The following SLC4A4 variants were observed in gnomAD, a reference collection of about 807,000 sequenced individuals.
The protein encoded by SLC4A4 is electrogenic sodium bicarbonate cotransporter 1.
In SLC4A4, 27 loss-of-function variants were observed where a neutral mutation model predicts 111.5. The observed-to-expected ratio is 0.24, with a 90% confidence interval of 0.18 to 0.33. The LOEUF is 0.33. SLC4A4 is among the 10% of genes least tolerant of loss of function. The pLI is 1.00. For synonymous variants in SLC4A4, 443 were observed against 463.4 expected (o/e 0.96, Z 0.57); for missense variants, 909 against 1,315.5 (o/e 0.69, Z 4.78).
chr4:71,515,313 T>C (rs1372422363), intron 16 of SLC4A4, among the ~76,000 whole-genome samples: 1 of 152,204 alleles, frequency 6.6e-6, no homozygotes, highest in African/African-American at 2.4e-5. Flanking sequence ...ATTTCTAGTT[T>C]TATTCCATTG....
intron 1 of SLC4A4, among the ~76,000 whole-genome samples, chr4:71,069,516 GA>G (rs1741612969): frequency 6.6e-6 from 1 of 152,190 alleles, no homozygotes; most frequent in Admixed American, 6.5e-5. Flanking sequence ...TGCTACATGA[GA>G]AAATTACTTT....
intron 14 of SLC4A4, among the ~76,000 whole-genome samples, chr4:71,485,494 C>T (rs781169006): frequency 1.3e-5 from 2 of 151,534 alleles, no homozygotes; most frequent in African/African-American, 4.8e-5. Context: ...CCTACTTGAT[C>T]GTGGTGGATT....
intron 24 of SLC4A4, 41 bp from the exon 25 acceptor site, chr4:71,566,963 A>C (rs1737528707): frequency 2.0e-6 from 3 of 1,532,830 alleles, no homozygotes; most frequent in East Asian, 4.5e-5. Flanking sequence ...TACTTCACCA[A>C]AGATCTACCA....
intron 7 of SLC4A4, among the ~76,000 whole-genome samples, chr4:71,420,416 G>T (rs1224622828): frequency 6.6e-6 from 1 of 152,108 alleles, no homozygotes; most frequent in African/African-American, 2.4e-5. Flanking sequence ...CACTCTGCAG[G>T]ATATTATCCA....
At chr4:71,076,626 C>A (rs532894978) in intron 1 of SLC4A4, among the ~76,000 whole-genome samples, 1 of 152,078 alleles carries the variant, frequency 6.6e-6, no homozygotes, top group South Asian at 2.1e-4. Context: ...TCTTCTGTGG[C>A]AGTTGGGAAT....
At chr4:71,470,032 G>A (rs1727720997) in intron 13 of SLC4A4, among the ~76,000 whole-genome samples, 1 of 151,814 alleles carries the variant, frequency 6.6e-6, no homozygotes, top group African/African-American at 2.4e-5. Flanking sequence ...TCATCTTCTT[G>A]CTAGGGTAGC....
At chr4:71,122,121 G>T (rs1400350382) in intron 2 of SLC4A4, among the ~76,000 whole-genome samples, 1 of 152,000 alleles carries the variant, frequency 6.6e-6, no homozygotes, top group African/African-American at 2.4e-5. Context: ...TTTAAGAACT[G>T]TAACACTCAC....
intron 7 of SLC4A4, among the ~76,000 whole-genome samples, chr4:71,424,227 G>A (rs1466242399): frequency 5.9e-5 from 9 of 152,158 alleles, no homozygotes; most frequent in South Asian, 2.1e-4. Context: ...GCAGCCAAAA[G>A]ACACATGAAA....
At chr4:71,213,648 A>G (rs558724968) in intron 1 of SLC4A4, among the ~76,000 whole-genome samples, 1 of 152,210 alleles carries the variant, frequency 6.6e-6, no homozygotes, top group African/African-American at 2.4e-5. Flanking sequence ...CCTGACCCCC[A>G]CCCAGAGTCA....
chr4:71,140,668 A>G (rs1305896993), intron 2 of SLC4A4, among the ~76,000 whole-genome samples: 1 of 152,102 alleles, frequency 6.6e-6, no homozygotes, highest in African/African-American at 2.4e-5. Flanking sequence ...AGTTGCTCAG[A>G]TCTCAAACCT....
At chr4:71,443,110 CTCTCTCTA>C (rs1212132860) in intron 8 of SLC4A4, among the ~76,000 whole-genome samples, 13 of 101,016 alleles carry the variant, frequency 1.3e-4, no homozygotes, top group African/African-American at 4.6e-4. Flanking sequence ...CTCTCTCTCT[CTCTCTCTA>C]TATATATATA....
At position 71,513,179 on chromosome 4, in the gene SLC4A4, G is replaced by A. The variant is rs56203272; in HGVS notation, c.2166+15487G>A. 9.0e-3 allele frequency among the ~76,000 whole-genome samples: 1,375 copies of A among 151,978 alleles called. 21 individuals are homozygous for A. Among genetic ancestry groups the A allele is most frequent in the African/African-American group, 0.03 (1,259 of 41,470 alleles). ...TTTTTTTTTCTAATTCTGTGAAGGT[G>A]GCAGTATTTTGAAACAGATCGCATT... On this transcript the variant is annotated intron_variant, in intron 16 of 25. Transcript: ENST00000264485.
intron 2 of SLC4A4, among the ~76,000 whole-genome samples, chr4:71,093,788 C>T (rs962585412): frequency 3.3e-5 from 5 of 152,138 alleles, no homozygotes; most frequent in African/African-American, 1.2e-4. Flanking sequence ...GTTGGTCTTA[C>T]AATGGTGGGT....
chr4:71,151,705 C>A (rs573976779), intron 2 of SLC4A4, among the ~76,000 whole-genome samples: 1 of 150,476 alleles, frequency 6.6e-6, no homozygotes, highest in Non-Finnish European at 1.5e-5. Flanking sequence ...GATCACTTGA[C>A]CCCGGGAGTT....
At chr4:71,474,989 A>G (rs1416252152) in intron 14 of SLC4A4, among the ~76,000 whole-genome samples, 1 of 151,840 alleles carries the variant, frequency 6.6e-6, no homozygotes, top group South Asian at 2.1e-4. Context: ...CTCCCCCTTC[A>G]GTCAGTGCTT....
chr4:71,070,954 C>G (rs972178909), intron 1 of SLC4A4, among the ~76,000 whole-genome samples: 1 of 130,346 alleles, frequency 7.7e-6, no homozygotes, highest in Non-Finnish European at 1.5e-5. Flanking sequence ...AATTCAAGAG[C>G]TGGAAAAGGT....
At chr4:71,273,927 A>G (rs576444711) in intron 3 of SLC4A4, among the ~76,000 whole-genome samples, 1 of 152,326 alleles carries the variant, frequency 6.6e-6, no homozygotes, top group Non-Finnish European at 1.5e-5. Context: ...GATAATCAAT[A>G]TAAAGTGCTT....
At chr4:71,126,235 T>C (rs960464166) in intron 2 of SLC4A4, among the ~76,000 whole-genome samples, 3 of 152,218 alleles carry the variant, frequency 2.0e-5, no homozygotes, top group African/African-American at 7.2e-5. Flanking sequence ...AGACTAACTT[T>C]AAATCCTCTT....
chr4:71,419,839 C>G (rs1299646076), intron 7 of SLC4A4, among the ~76,000 whole-genome samples: 1 of 152,116 alleles, frequency 6.6e-6, no homozygotes, highest in Non-Finnish European at 1.5e-5. Flanking sequence ...GCCATCTTGG[C>G]TCCTCACCAT....
Sources: allele counts gnomAD v4.1 joint callset (sites outside exome capture counted in the v4.1 genomes callset), GRCh38; gene constraint gnomAD v4.1.1; transcripts MANE v1.5; gene names NCBI Gene and HGNC (gene_info 2026-07-23, HGNC 2026-07-21).